Variants in POFUT2 observed in about 807,000 individuals in gnomAD.
The protein encoded by POFUT2 is GDP-fucose protein O-fucosyltransferase 2.
In POFUT2, 30 loss-of-function variants were observed where a neutral mutation model predicts 55.0. The ratio of observed to expected loss-of-function variants is 0.55; its 90% CI spans 0.41 to 0.74. The LOEUF is 0.74. Among genes scored for constraint, POFUT2 ranks in the 30% least tolerant of loss-of-function variants. The pLI, the probability that POFUT2 is intolerant of heterozygous loss-of-function variation, is 0.00. For synonymous variants in POFUT2, 267 were observed against 231.1 expected (o/e 1.16, Z -1.41); for missense variants, 524 against 562.6 (o/e 0.93, Z 0.69).
intron 1 of POFUT2, among the ~76,000 whole-genome samples, chr21:45,287,023 C>A (rs1230677111): frequency 6.6e-6 from 1 of 152,160 alleles, no homozygotes. Flanking sequence ...CACGCTCAGC[C>A]TGAGCAACCC....
intron 7 of POFUT2, among the ~76,000 whole-genome samples, chr21:45,269,054 G>A (rs1319228727): frequency 1.8e-5 from 2 of 108,546 alleles, no homozygotes; most frequent in African/African-American, 4.1e-5. Context: ...TCAGCCCCCC[G>A]CCTGGCCAGC....
chr21:45,267,665 G>A lies in POFUT2; in HGVS notation c.1061C>T (p.Pro354Leu), dbSNP rs1384341016. 6.2e-7 allele frequency: 1 copy of A among 1,614,052 alleles called. No individual in the cohort carries two copies. Among genetic ancestry groups the A allele is most frequent in the South Asian group, 1.1e-5 (1 of 91,086 alleles). Residue 354 changes from proline (P) to leucine (L), a missense_variant, in exon 8 of 9, where the codon CCC becomes CTC. By Grantham distance (98) the Pro-to-Leu change is moderately conservative (BLOSUM62 -3). Around this residue, in one of 2 missense-constraint regions of POFUT2, gnomAD observed 250 missense variants for 318.2 expected, o/e 0.79. Transcript: ENST00000349485. This position sits in a 1 kb window ranked among gnomAD's most constrained non-coding sequence, Gnocchi z 4.4. ...KLLPEMVRFE[P>L]TWEELELYKD... The stretch of plus-strand genomic sequence containing the variant: ...GTAGAGCTCCAGCTCCTCCCACGTG[G>A]GTTCAAACCTCACCATCTCGGGTAA...
intron 7 of POFUT2, among the ~76,000 whole-genome samples, chr21:45,268,001 CCCACGGTCTCCCTCTCTTT>C (rs1027337394): frequency 2.0e-5 from 3 of 152,150 alleles, no homozygotes; most frequent in South Asian, 2.1e-4. Context: ...TCTCCCTCTC[CCCACGGTCTCCCTCTCTTT>C]CCACGGTCTC....
chr21:45,276,241 A>G (rs970324328), intron 6 of POFUT2, among the ~76,000 whole-genome samples: 24 of 133,882 alleles, frequency 1.8e-4, no homozygotes, highest in Non-Finnish European at 3.6e-4. Flanking sequence ...AAAATTAAAA[A>G]GAATAAAAAA....
intron 6 of POFUT2, 75 bp downstream of exon 6, chr21:45,276,942 A>G: frequency 6.6e-7 from 1 of 1,518,654 alleles, no homozygotes; most frequent in Non-Finnish European, 9.0e-7. Flanking sequence ...GTGACTTTAC[A>G]TGGAAGGCCT....
At chr21:45,266,603 T>G in intron 8 of POFUT2, 1 of 1,039,800 alleles carries the variant, frequency 9.6e-7, no homozygotes, top group Non-Finnish European at 1.2e-6. Context: ...CCTGCACACC[T>G]CCGCCCTGAC....
chr21:45,283,319 GGAC>G, intron 3 of POFUT2, 61 bp downstream of exon 3: 1 of 834,948 alleles, frequency 1.2e-6, no homozygotes, highest in South Asian at 1.8e-5. Flanking sequence ...GGGGGGGGGG[GGAC>G]GCATGCGGCA....
In POFUT2 at chr21:45,277,202, A is replaced by G; in HGVS notation, c.706-60T>C. On this transcript the variant is annotated intron_variant, in intron 5 of 8. Transcript: ENST00000349485. The surrounding 1 kb of genome is among the most constrained non-coding windows in gnomAD (Gnocchi z 6.9). ...CCCGCCCGCCACGCAGCCCTCCCGG[A>G]GCGGGTTCTCCTGTCGCTGCCACCA... 1 of 1,585,308 alleles carries G rather than the reference A, an allele frequency of 6.3e-7. No individual in the cohort carries two copies. Among genetic ancestry groups the G allele is most frequent in the Non-Finnish European group, 8.6e-7 (1 of 1,168,866 alleles).
At chr21:45,276,681 G>A (rs1014167364) in intron 6 of POFUT2, among the ~76,000 whole-genome samples, 1 of 152,162 alleles carries the variant, frequency 6.6e-6, no homozygotes, top group Admixed American at 6.5e-5. Flanking sequence ...AAGGCCGAAC[G>A]TGCCTCTGAC....
Position 45,267,366 on chromosome 21 carries a change from G to A in POFUT2, c.1136+224C>T. On this transcript the variant is annotated intron_variant, in intron 8 of 8. Transcript: ENST00000349485. The surrounding 1 kb of genome is among the most constrained non-coding windows in gnomAD (Gnocchi z 4.4). ...AGCTATGCCAACAGCCTGCTATGGAGGAATTCTGTGCATGAGAACTAAAGG... is the reference window on the plus strand; with the variant it reads ...AGCTATGCCAACAGCCTGCTATGGAAGAATTCTGTGCATGAGAACTAAAGG... 1 of 1,570,262 alleles carries A rather than the reference G, an allele frequency of 6.4e-7. No homozygotes were observed. Among genetic ancestry groups the A allele is most frequent in the Non-Finnish European group, 8.6e-7 (1 of 1,157,898 alleles).
At position 45,265,342 on chromosome 21, in the gene POFUT2, C is replaced by CCT; in HGVS notation, c.*138_*139dup. 1.5e-6 allele frequency: 1 copy of CCT among 678,874 alleles called. No homozygotes were observed. The highest frequency in any genetic ancestry group is 2.4e-6 in the Non-Finnish European group (1 of 417,764). The allele number at this position is 678,874 out of a possible 1,614,324, so 42.1% of individuals were successfully genotyped here. On this transcript the variant is annotated 3_prime_UTR_variant, in exon 9 of 9. Coordinates refer to ENST00000349485, the MANE Select transcript of POFUT2 (RefSeq NM_133635.6). This position sits in a 1 kb window ranked among gnomAD's most constrained non-coding sequence, Gnocchi z 4.6. ...GGAGCCCAGCTCTAGAGGCGTGGGG[C>CCT]CTCTTCTGGGCCTGGGACCCTGCGA...
intron 4 of POFUT2, among the ~76,000 whole-genome samples, chr21:45,280,604 G>C (rs532141664): frequency 6.6e-6 from 1 of 152,178 alleles, no homozygotes; most frequent in African/African-American, 2.4e-5. Flanking sequence ...GCACCTGCTC[G>C]CATTAACAGC....
rs1489904015 is a variant in POFUT2, at chr21:45,285,660, CGT to C, written c.382+16_382+17del. 3 of 1,613,236 alleles carry C rather than the reference CGT, an allele frequency of 1.9e-6. No homozygotes were observed. The African/African-American group carries it at 4.0e-5, about 22-fold the overall frequency. ...CAGTTAAGCAACCACGGCCTCCCAG[CGT>C]GCCGCTCGGCCTCACCTGCGATGAA... On this transcript the variant is annotated intron_variant, in intron 2 of 8. Transcript: ENST00000349485. This position sits in a 1 kb window ranked among gnomAD's most constrained non-coding sequence, Gnocchi z 4.9.
rs374968449 is a variant in POFUT2 at position 45,265,437 on chromosome 21, C to G, written c.*45G>C. ...ACTCCACGGCGACAGAACCTGCATC[C>G]ACCCGCGCCTGTCGGGTCCGGGGAG... On this transcript the variant is annotated 3_prime_UTR_variant, in exon 9 of 9. Transcript: ENST00000349485. This position sits in a 1 kb window ranked among gnomAD's most constrained non-coding sequence, Gnocchi z 4.6. 2 of 1,528,852 alleles carry G rather than the reference C, an allele frequency of 1.3e-6. No individual in the cohort carries two copies. The highest frequency in any genetic ancestry group is 1.8e-6 in the Non-Finnish European group (2 of 1,124,250). The allele number at this position is 1,528,852 out of a possible 1,614,324, so 94.7% of individuals were successfully genotyped here.
intron 7 of POFUT2, among the ~76,000 whole-genome samples, chr21:45,268,207 G>A (rs1455262569): frequency 6.6e-6 from 1 of 152,262 alleles, no homozygotes; most frequent in Non-Finnish European, 1.5e-5. Context: ...CCGGTCTCCA[G>A]CCCCTAACCG....
intron 7 of POFUT2, among the ~76,000 whole-genome samples, chr21:45,268,909 T>G (rs1304810230): frequency 8.9e-5 from 7 of 78,592 alleles, no homozygotes; most frequent in African/African-American, 2.2e-4. Flanking sequence ...GGGAGGGAGG[T>G]GGGGGGGTCA....
Position 45,269,934 on chromosome 21 carries a change from A to G in POFUT2, c.917T>C (p.Val306Ala), listed in dbSNP as rs769657923. 4 of 1,606,818 alleles carry G rather than the reference A, an allele frequency of 2.5e-6. No homozygotes were observed. In the Admixed American group the frequency reaches 5.2e-5, roughly 21 times the overall value. The change falls in exon 7 of 9, where the codon GTA (valine) becomes GCA (alanine). Residue 306 changes from valine (V) to alanine (A), a missense_variant. This residue lies in a region of POFUT2 where 250 missense variants were observed against 318.2 expected (regional missense o/e 0.79). Transcript: ENST00000349485. Reference protein sequence around the residue: ...KDFIWGHRQDVPSLEGAVRKI... With the variant: ...KDFIWGHRQDAPSLEGAVRKI... ...CCTCACGGCCCCTTCCAGACTGGGT[A>G]CATCCTGTCTGTGACCCCAGATGAA...
rs900323378 is a variant in POFUT2, at chr21:45,267,972, C to CTCTCCCTCTCCT, written c.1013-271_1013-260dup. ...AGAAGAAAGGAAAGAAACGTGCTCC[C>CTCTCCCTCTCCT]TCTCCCTCTCCTTCTCCCTCTCCCT... On this transcript the variant is annotated intron_variant, in intron 7 of 8. Coordinates refer to ENST00000349485, the MANE Select transcript of POFUT2 (RefSeq NM_133635.6). The surrounding 1 kb of genome is among the most constrained non-coding windows in gnomAD (Gnocchi z 4.4). 6.6e-6 allele frequency among the ~76,000 whole-genome samples: 1 copy of CTCTCCCTCTCCT among 152,002 alleles called. No homozygotes were observed. The highest frequency in any genetic ancestry group is 3.2e-3 in the Middle Eastern group (1 of 316).
Position 45,265,777 on chromosome 21 carries a change from A to G in POFUT2, c.1137-142T>C. ...CAACACGGCCGTCCCCCGAGCACCC[A>G]CCAGCCGGCCGCCCCCTTGCTGGCA... On this transcript the variant is annotated intron_variant, in intron 8 of 8. Coordinates refer to ENST00000349485, the MANE Select transcript of POFUT2 (RefSeq NM_133635.6). This position sits in a 1 kb window ranked among gnomAD's most constrained non-coding sequence, Gnocchi z 4.6. The G allele has an allele frequency of 2.8e-6, 4 of 1,435,044 alleles. No individual in the cohort carries two copies. The highest frequency in any genetic ancestry group is 3.6e-6 in the Non-Finnish European group (4 of 1,098,598). 88.9% of individuals were successfully genotyped at this position (1,435,044 alleles called of 1,614,324 possible).
Sources: allele counts gnomAD v4.1 joint callset (sites outside exome capture counted in the v4.1 genomes callset), GRCh38; gene constraint gnomAD v4.1.1; regional missense constraint gnomAD v4.1.1; non-coding constraint Gnocchi (gnomAD v3.1); transcripts MANE v1.5; gene names NCBI Gene and HGNC (gene_info 2026-07-23, HGNC 2026-07-21).